The following PKD1L3 variants were observed in gnomAD, a reference collection of about 807,000 sequenced individuals.
The protein encoded by PKD1L3 is polycystin-1-like protein 3.
In PKD1L3, 239 loss-of-function variants were observed where a neutral mutation model predicts 184.1. The ratio of observed to expected loss-of-function variants is 1.30; its 90% confidence interval spans 1.17 to 1.45. PKD1L3 has a LOEUF of 1.45. Ranked by LOEUF, PKD1L3 falls within the 40% of genes most tolerant of loss-of-function variation. PKD1L3 has a pLI of 0.00. For missense variants in PKD1L3, 2,660 were observed against 2,067.2 expected, an observed-to-expected ratio of 1.29 and a Z score of -5.56; for synonymous variants, 996 against 778.8, an observed-to-expected ratio of 1.28 and a Z score of -4.64.
At chr16:71,960,167 TA>T (rs1286309366) in intron 16 of PKD1L3, among the ~76,000 whole-genome samples, 44 of 135,144 alleles carry the variant, frequency 3.3e-4, no homozygotes, top group East Asian at 2.5e-3. Context: ...CAGAGAACCT[TA>T]AAAAAAAAAA....
chr16:71,937,224 T>A (rs2038211078), intron 25 of PKD1L3, 68 bp downstream of exon 25: 8 of 1,474,498 alleles, frequency 5.4e-6, no homozygotes, highest in Non-Finnish European at 7.3e-6. Flanking sequence ...CCTGGGTAAT[T>A]TTTGTAGTCT....
At chr16:71,985,692 A>G (rs2040332051) in intron 5 of PKD1L3, among the ~76,000 whole-genome samples, 1 of 152,194 alleles carries the variant, frequency 6.6e-6, no homozygotes, top group South Asian at 2.1e-4. Context: ...TCGGCCTCCC[A>G]AAGTGCTGGA....
chr16:71,970,499 C>G, intron 12 of PKD1L3, among the ~76,000 whole-genome samples: 1 of 152,130 alleles, frequency 6.6e-6, no homozygotes, highest in East Asian at 1.9e-4. Context: ...TGATTGAATT[C>G]TATACAGCAG....
intron 4 of PKD1L3, among the ~76,000 whole-genome samples, chr16:71,987,914 G>A (rs982995939): frequency 6.6e-6 from 1 of 152,170 alleles, no homozygotes; most frequent in Non-Finnish European, 1.5e-5. Context: ...AGCTAGCTCT[G>A]AGGAAGACCA....
chr16:72,000,014 T>C lies in PKD1L3; in HGVS notation c.-36A>G. The C allele has an allele frequency of 6.9e-7, 1 of 1,448,538 alleles. No homozygotes were observed. The highest frequency in any genetic ancestry group is 9.2e-7 in the Non-Finnish European group (1 of 1,084,776). The allele number at this position is 1,448,538 out of a possible 1,614,324, so 89.7% of individuals were successfully genotyped here. On this transcript the variant is annotated 5_prime_UTR_variant, in exon 1 of 30. Coordinates refer to ENST00000620267, the MANE Select transcript of PKD1L3 (RefSeq NM_181536.2). ...TTGTAGCAAGAAAAAGTGTGGGGGTTTAGCAGCTGCCTGGTCCTTTAAATA... is the reference window on the plus strand; with the variant it reads ...TTGTAGCAAGAAAAAGTGTGGGGGTCTAGCAGCTGCCTGGTCCTTTAAATA...
chr16:71,990,085 C>CA (rs34692174), intron 4 of PKD1L3, among the ~76,000 whole-genome samples, 195 bp downstream of exon 4: 10,038 of 119,022 alleles, frequency 0.084, 494 homozygotes, highest in Middle Eastern at 0.13. Context: ...TCTCTCCCAC[C>CA]AAAAAAAAAA....
chr16:71,983,720 G>A (rs868257413), intron 6 of PKD1L3, among the ~76,000 whole-genome samples: 2 of 137,714 alleles, frequency 1.5e-5, no homozygotes, highest in Middle Eastern at 4.3e-3. Flanking sequence ...AGGCTGGAGT[G>A]GAGTGGCGGG....
At chr16:71,968,131 C>T (rs2039570475) in intron 13 of PKD1L3, 124 bp from the exon 14 acceptor site, 1 of 722,908 alleles carries the variant, frequency 1.4e-6, no homozygotes, top group Admixed American at 2.9e-5. Flanking sequence ...GAAAGCAGGG[C>T]TGAGGTGTGG....
chr16:71,991,501 A>T (rs1265901001), intron 3 of PKD1L3, among the ~76,000 whole-genome samples: 1 of 152,248 alleles, frequency 6.6e-6, no homozygotes, highest in Non-Finnish European at 1.5e-5. Context: ...ATGGGAGGGA[A>T]TACTGAGCAG....
At chr16:71,944,598 G>A (rs2038489492) in intron 22 of PKD1L3, among the ~76,000 whole-genome samples, 1 of 152,112 alleles carries the variant, frequency 6.6e-6, no homozygotes, top group South Asian at 2.1e-4. Flanking sequence ...TGAGAGGACT[G>A]ATTAAGCCCA....
At position 71,935,429 on chromosome 16, in the gene PKD1L3, G is replaced by A; in HGVS notation, c.4542C>T (p.Leu1514=). ...AAATACTCTTCATGTCAAGCCCCAG[G>A]AGGATGAAGCTAATGAGGATTATAC... The part of the protein sequence containing the change: ...DTSIILISFI[L]LGLDMKSISL... Residue 1514 remains leucine, a synonymous_variant, in exon 26 of 30, where the codon CTC becomes CTT. Coordinates refer to ENST00000620267, the MANE Select transcript of PKD1L3 (RefSeq NM_181536.2). 2 of 1,552,012 alleles carry A rather than the reference G, an allele frequency of 1.3e-6. No individual in the cohort carries two copies. Among genetic ancestry groups the A allele is most frequent in the Non-Finnish European group, 1.7e-6 (2 of 1,147,038 alleles).
At chr16:71,941,027 G>A (rs1332407720) in intron 24 of PKD1L3, among the ~76,000 whole-genome samples, 3 of 151,786 alleles carry the variant, frequency 2.0e-5, no homozygotes, top group Non-Finnish European at 4.4e-5. Flanking sequence ...GTAGAGACGA[G>A]GTTTCACACC....
rs200854269 is a variant in PKD1L3, at chr16:71,963,250, T to A, written c.2567A>T (p.Asp856Val). The change falls in exon 16 of 30, where the codon GAC becomes GTC. Residue 856 changes from aspartate (D) to valine (V), a missense_variant. By Grantham distance (152) the Asp-to-Val change is radical. Coordinates refer to ENST00000620267, the MANE Select transcript of PKD1L3 (RefSeq NM_181536.2). ...CTTTGAAACTGGGATGAAGACCCGG[T>A]CAAGCTCACAGTCTCCGAGGTCCAC... ...LAVDLGDCELDRVFIPVSKRE... is the reference protein window; with the variant it reads ...LAVDLGDCELVRVFIPVSKRE... 24 of 1,550,968 alleles carry A rather than the reference T, an allele frequency of 1.5e-5. No individual in the cohort carries two copies. The highest frequency in any genetic ancestry group is 2.0e-5 in the Non-Finnish European group (23 of 1,146,700).
chr16:71,987,328 C>G (rs144820181), intron 4 of PKD1L3, among the ~76,000 whole-genome samples: 3,130 of 152,052 alleles, frequency 0.021, 36 homozygotes, highest in Non-Finnish European at 0.031. Context: ...TCAGGTAATC[C>G]TCCTGCCTCA....
chr16:71,991,006 CAA>C (rs2040569344), intron 3 of PKD1L3: 1 of 152,164 alleles, frequency 6.6e-6, no homozygotes, highest in Admixed American at 6.5e-5. Flanking sequence ...AACACAGAAA[CAA>C]AGAGAAAAAC....
intron 1 of PKD1L3, among the ~76,000 whole-genome samples, chr16:71,998,616 A>G (rs1013028516): frequency 6.6e-6 from 1 of 151,994 alleles, no homozygotes; most frequent in Non-Finnish European, 1.5e-5. Flanking sequence ...ACGCCCAGCT[A>G]ATTTTTGTAT....
intron 21 of PKD1L3, among the ~76,000 whole-genome samples, chr16:71,949,219 A>G (rs1005034899): frequency 2.0e-5 from 3 of 151,898 alleles, no homozygotes; most frequent in East Asian, 3.9e-4. Context: ...TATTTTTTTC[A>G]AAGTGCTTTG....
chr16:71,948,693 T>A (rs1263380121), intron 21 of PKD1L3, among the ~76,000 whole-genome samples: 4 of 150,972 alleles, frequency 2.6e-5, no homozygotes, highest in Non-Finnish European at 5.9e-5. Context: ...AAAACAAAAA[T>A]GCAATATTAT....
chr16:71,971,852 G>T (rs552354476), intron 12 of PKD1L3, among the ~76,000 whole-genome samples: 44 of 152,170 alleles, frequency 2.9e-4, no homozygotes, highest in East Asian at 9.7e-4. Context: ...AGGCCAAGGC[G>T]GGCAGATCAC....
Sources: gnomAD v4.1 joint callset for allele counts (sites outside exome capture counted in the v4.1 genomes callset) on GRCh38, gnomAD v4.1.1 for gene constraint, MANE v1.5 for transcripts, NCBI Gene and HGNC (gene_info 2026-07-23, HGNC 2026-07-21) for gene names.